The following RAPGEF1 variants were observed in gnomAD, a reference collection of about 807,000 sequenced individuals.
The protein encoded by RAPGEF1 is CRK SH3-binding GNRP.
In RAPGEF1, 33 loss-of-function variants were observed where a neutral mutation model predicts 143.3. That is an observed-to-expected ratio of 0.23 (90% CI 0.17 to 0.31). RAPGEF1 has a LOEUF of 0.31. RAPGEF1 is among the 10% of genes least tolerant of loss of function. The pLI is 1.00. For missense variants in RAPGEF1, 1,199 were observed against 1,645.4 expected (o/e 0.73, Z 4.69); for synonymous variants, 629 against 676.5 (o/e 0.93, Z 1.09).
At chr9:131,605,508 T>TAAG (rs990234747) in intron 12 of RAPGEF1, among the ~76,000 whole-genome samples, 6 of 152,206 alleles carry the variant, frequency 3.9e-5, no homozygotes, top group Admixed American at 3.3e-4. Context: ...GGCCCATCGC[T>TAAG]GTCTTGTCTG....
At chr9:131,728,793 G>T (rs1418585358) in intron 1 of RAPGEF1, among the ~76,000 whole-genome samples, 1 of 152,156 alleles carries the variant, frequency 6.6e-6, no homozygotes, top group Non-Finnish European at 1.5e-5. Flanking sequence ...AGTAGAAGGC[G>T]ACCTGAAGTA....
chr9:131,713,379 C>T (rs1564194317), intron 1 of RAPGEF1, among the ~76,000 whole-genome samples: 1 of 152,150 alleles, frequency 6.6e-6, no homozygotes, highest in African/African-American at 2.4e-5. Context: ...CAGGGATCAA[C>T]GCTAGGCATT....
intron 12 of RAPGEF1, among the ~76,000 whole-genome samples, chr9:131,618,316 G>A (rs1959472240): frequency 6.6e-6 from 1 of 152,224 alleles, no homozygotes; most frequent in South Asian, 2.1e-4. Flanking sequence ...TCTCAGCTCA[G>A]GTCCCAGGGA....
intron 1 of RAPGEF1, among the ~76,000 whole-genome samples, chr9:131,681,985 T>G (rs1287377521): frequency 6.6e-6 from 1 of 152,238 alleles, no homozygotes; most frequent in East Asian, 1.9e-4. Flanking sequence ...CAGGCTGCTC[T>G]GCGACCTATC....
intron 1 of RAPGEF1, among the ~76,000 whole-genome samples, chr9:131,731,107 AT>A (rs1458382835): frequency 6.6e-6 from 1 of 152,228 alleles, no homozygotes; most frequent in Non-Finnish European, 1.5e-5. Flanking sequence ...CTATGTGCAA[AT>A]GTTAACTCTT....
rs1055371280 is a variant in RAPGEF1, at chr9:131,675,335, C to T, written c.62-24386G>A. ...GGGAGGGCAAGAGCCAGGGGCTGGG[C>T]GAGGCTGTGGAGGAGGGCTCTGCGG... On this transcript the variant is annotated intron_variant, in intron 1 of 26. Transcript: ENST00000683357. This position sits in a 1 kb window ranked among gnomAD's most constrained non-coding sequence, Gnocchi z 4.6. Among the ~76,000 whole-genome samples, 3 of 152,114 alleles carry T rather than the reference C, an allele frequency of 2.0e-5. No individual in the cohort carries two copies. The highest frequency in any genetic ancestry group is 1.9e-4 in the East Asian group (1 of 5,152).
At position 131,655,428 on chromosome 9, in the gene RAPGEF1, C is replaced by A. The variant is rs1218491133; in HGVS notation, c.62-4479G>T. Among the ~76,000 whole-genome samples the A allele has an allele frequency of 6.6e-6, 1 of 152,270 alleles. No individual in the cohort carries two copies. Among genetic ancestry groups the A allele is most frequent in the Non-Finnish European group, 1.5e-5 (1 of 68,054 alleles). On this transcript the variant is annotated intron_variant, in intron 1 of 26. Coordinates refer to ENST00000683357, the MANE Select transcript of RAPGEF1 (RefSeq NM_001377935.1). The surrounding 1 kb of genome is among the most constrained non-coding windows in gnomAD (Gnocchi z 4.1). ...CCAGCCCTCATATGTCAGCAGTCAT[C>A]CCTCGCATTCAAATGAACTGGGATG... is the stretch of plus-strand genomic sequence containing the variant.
intron 1 of RAPGEF1, among the ~76,000 whole-genome samples, chr9:131,656,001 CATT>C (rs1289865068): frequency 6.6e-6 from 1 of 152,144 alleles, no homozygotes; most frequent in Admixed American, 6.5e-5. Context: ...AGTGAGATAA[CATT>C]ATATTTCTTG....
intron 1 of RAPGEF1, chr9:131,709,795 C>G (rs1835378229): frequency 6.6e-7 from 1 of 1,509,430 alleles, no homozygotes; most frequent in Non-Finnish European, 8.8e-7. Context: ...CCCAAACCAC[C>G]CAGCGGCAGA....
intron 15 of RAPGEF1, among the ~76,000 whole-genome samples, chr9:131,601,000 A>AAAAT (rs1293400372): frequency 1.3e-5 from 2 of 152,044 alleles, no homozygotes; most frequent in African/African-American, 4.8e-5. Flanking sequence ...CTAAAAATAC[A>AAAAT]AAATAAATAA....
chr9:131,614,454 C>T (rs1197582977), intron 12 of RAPGEF1, among the ~76,000 whole-genome samples: 2 of 152,200 alleles, frequency 1.3e-5, no homozygotes, highest in Non-Finnish European at 2.9e-5. Flanking sequence ...CCTGTTTGGC[C>T]TTTAGGCCCG....
chr9:131,663,111 A>G lies in RAPGEF1; in HGVS notation c.62-12162T>C, dbSNP rs201732257. On this transcript the variant is annotated intron_variant, in intron 1 of 26. Transcript: ENST00000683357. ...CCCGCTTTCCAAAGTTATATTTTGG[A>G]AAAAAAAAAATCAAATCTATTGATG... Among the ~76,000 whole-genome samples, 13 of 146,250 alleles carry G rather than the reference A, an allele frequency of 8.9e-5. 1 individual carries two copies. The highest frequency in any genetic ancestry group is 2.5e-4 in the African/African-American group (10 of 39,504).
At chr9:131,676,184 A>G (rs576227357) in intron 1 of RAPGEF1, among the ~76,000 whole-genome samples, 2 of 152,242 alleles carry the variant, frequency 1.3e-5, no homozygotes, top group Non-Finnish European at 2.9e-5. Flanking sequence ...GAAGGTGGCC[A>G]CAATAACCTC....
intron 12 of RAPGEF1, among the ~76,000 whole-genome samples, chr9:131,612,781 G>A (rs568451312): frequency 1.3e-5 from 2 of 152,310 alleles, no homozygotes; most frequent in African/African-American, 4.8e-5. Context: ...CAGGGGGAAC[G>A]CACTGCAGGA....
In RAPGEF1 at chr9:131,628,436, G is replaced by A. The variant is rs777620279; in HGVS notation, c.1017+113C>T. The A allele has an allele frequency of 7.1e-7, 1 of 1,403,530 alleles. No homozygotes were observed. Among genetic ancestry groups the A allele is most frequent in the Non-Finnish European group, 9.7e-7 (1 of 1,034,984 alleles). The allele number at this position is 1,403,530 out of a possible 1,614,324, so 86.9% of individuals were successfully genotyped here. ...GGTACAAGGTCTCGCACTCCTCGAT[G>A]TGACAAACACCAGCGCCTGAAGACC... On this transcript the variant is annotated intron_variant, in intron 8 of 26. Transcript: ENST00000683357. The surrounding 1 kb of genome is among the most constrained non-coding windows in gnomAD (Gnocchi z 5.7).
intron 5 of RAPGEF1, among the ~76,000 whole-genome samples, chr9:131,631,378 C>T (rs146248833): frequency 4.6e-5 from 7 of 152,334 alleles, no homozygotes; most frequent in South Asian, 2.1e-4. Context: ...ATTTCCTGTC[C>T]GCACATCTTT....
At chr9:131,688,416 C>A (rs567282221) in intron 1 of RAPGEF1, among the ~76,000 whole-genome samples, 111 of 152,306 alleles carry the variant, frequency 7.3e-4, no homozygotes, top group Non-Finnish European at 1.5e-3. Flanking sequence ...ATGTTAACTA[C>A]CCATTAACAT....
chr9:131,628,952 G>T lies in RAPGEF1; in HGVS notation c.893+150C>A. 9.0e-7 allele frequency: 1 copy of T among 1,107,198 alleles called. No individual in the cohort carries two copies. Among genetic ancestry groups the T allele is most frequent in the Non-Finnish European group, 1.3e-6 (1 of 799,628 alleles). 68.6% of individuals were successfully genotyped at this position (1,107,198 alleles called of 1,614,324 possible). A position where few individuals can be genotyped will look rare whatever the true frequency, so the allele number is the denominator to read the frequency against. ...TTCAGGAGAGCTCAGGGTGGCCAGC[G>T]AGGGCCGGCGGGGTGGGGACAGCTC... On this transcript the variant is annotated intron_variant, in intron 7 of 26. Coordinates refer to ENST00000683357, the MANE Select transcript of RAPGEF1 (RefSeq NM_001377935.1). The surrounding 1 kb of genome is among the most constrained non-coding windows in gnomAD (Gnocchi z 5.7).
chr9:131,710,267 AC>A (rs1818573317), intron 1 of RAPGEF1, among the ~76,000 whole-genome samples: 1 of 152,174 alleles, frequency 6.6e-6, no homozygotes, highest in Admixed American at 6.5e-5. Flanking sequence ...CAAGGGAAAC[AC>A]AAAACGAAAC....
Sources: allele counts gnomAD v4.1 joint callset (sites outside exome capture counted in the v4.1 genomes callset), GRCh38; gene constraint gnomAD v4.1.1; non-coding constraint Gnocchi (gnomAD v3.1); transcripts MANE v1.5; gene names NCBI Gene and HGNC (gene_info 2026-07-23, HGNC 2026-07-21).